PPFIA2: variants seen among roughly 807,000 people sequenced by gnomAD.
The protein encoded by PPFIA2 is liprin-alpha-2.
PPFIA2 carries 46 observed loss-of-function variants against 175.5 expected under a neutral mutation model. The ratio of observed to expected loss-of-function variants is 0.26; its 90% CI spans 0.21 to 0.34. The LOEUF (loss-of-function observed/expected upper bound fraction) is 0.34. Among genes scored for constraint, PPFIA2 ranks in the 10% least tolerant of loss-of-function variants. The pLI is 1.00. For missense variants in PPFIA2, 1,179 were observed against 1,506.1 expected (o/e 0.78, Z 3.60); for synonymous variants, 568 against 511.4 (o/e 1.11, Z -1.49).
intron 23 of PPFIA2, among the ~76,000 whole-genome samples, chr12:81,295,327 A>T (rs2046188792): frequency 6.6e-6 from 1 of 152,232 alleles, no homozygotes; most frequent in South Asian, 2.1e-4. Flanking sequence ...GCTGCATGGC[A>T]CCAAGTTCCC....
At chr12:81,382,490 A>C (rs781677646) in intron 9 of PPFIA2, among the ~76,000 whole-genome samples, 4 of 152,186 alleles carry the variant, frequency 2.6e-5, no homozygotes, top group Non-Finnish European at 4.4e-5. Flanking sequence ...ACAGATGACC[A>C]TTGAAATAAT....
At chr12:81,705,083 TAAAA>T (rs557079067) in intron 3 of PPFIA2, among the ~76,000 whole-genome samples, 1 of 32,352 alleles carries the variant, frequency 3.1e-5, no homozygotes. Context: ...AAACTCTGTC[TAAAA>T]AAAAAAAAAA....
At chr12:81,268,927 ACTTAC>A (rs2038252683) in intron 28 of PPFIA2, among the ~76,000 whole-genome samples, 1 of 152,242 alleles carries the variant, frequency 6.6e-6, no homozygotes, top group African/African-American at 2.4e-5. Context: ...ACAGATGGAT[ACTTAC>A]CTTAGTATTA....
intron 4 of PPFIA2, among the ~76,000 whole-genome samples, chr12:81,543,417 G>A (rs535562976): frequency 1.3e-3 from 205 of 152,140 alleles, no homozygotes; most frequent in African/African-American, 4.5e-3. Flanking sequence ...AACAAAAAAG[G>A]CAGAAATAAA....
intron 16 of PPFIA2, among the ~76,000 whole-genome samples, chr12:81,354,772 T>G (rs1295835206): frequency 6.6e-6 from 1 of 151,834 alleles, no homozygotes; most frequent in Non-Finnish European, 1.5e-5. Context: ...GCCTTCAGAG[T>G]AGCTAGGAAT....
chr12:81,496,878 GGA>G (rs1379029764), intron 4 of PPFIA2, among the ~76,000 whole-genome samples: 1 of 152,140 alleles, frequency 6.6e-6, no homozygotes, highest in Non-Finnish European at 1.5e-5. Flanking sequence ...CTGAGAAGTT[GGA>G]TATCCTATGC....
At chr12:81,669,986 T>A (rs1488351786) in intron 4 of PPFIA2, among the ~76,000 whole-genome samples, 1 of 151,954 alleles carries the variant, frequency 6.6e-6, no homozygotes, top group Non-Finnish European at 1.5e-5. Flanking sequence ...CAGTGGTAGT[T>A]TTGGAGGATT....
intron 4 of PPFIA2, among the ~76,000 whole-genome samples, chr12:81,674,919 C>T (rs1021853099): frequency 2.6e-5 from 4 of 151,878 alleles, no homozygotes; most frequent in African/African-American, 9.7e-5. Flanking sequence ...TTCTAGATAG[C>T]TCCTTAACAA....
At chr12:81,657,276 C>A (rs1209571164) in intron 4 of PPFIA2, among the ~76,000 whole-genome samples, 1 of 152,160 alleles carries the variant, frequency 6.6e-6, no homozygotes, top group Admixed American at 6.5e-5. Context: ...CAATTTCCTA[C>A]AAAGCCAAAG....
chr12:81,565,994 A>G (rs1317762589), intron 4 of PPFIA2, among the ~76,000 whole-genome samples: 3 of 152,016 alleles, frequency 2.0e-5, no homozygotes, highest in Non-Finnish European at 2.9e-5. Context: ...GGGAAAGCAC[A>G]TCTTCTCTGT....
At chr12:81,640,292 A>T (rs1161160601) in intron 4 of PPFIA2, among the ~76,000 whole-genome samples, 1 of 152,124 alleles carries the variant, frequency 6.6e-6, no homozygotes, top group Non-Finnish European at 1.5e-5. Context: ...AAAGCAGGAG[A>T]TACAAAAGAA....
intron 3 of PPFIA2, among the ~76,000 whole-genome samples, chr12:81,701,303 G>A (rs1044357963): frequency 2.1e-4 from 32 of 152,264 alleles, no homozygotes; most frequent in African/African-American, 7.0e-4. Context: ...GCTCATTACA[G>A]GTGGGAAGTT....
intron 4 of PPFIA2, among the ~76,000 whole-genome samples, chr12:81,555,713 T>G (rs1426775747): frequency 6.6e-6 from 1 of 151,896 alleles, no homozygotes; most frequent in Non-Finnish European, 1.5e-5. Flanking sequence ...AGTCAGTAAA[T>G]TAATAGAGTT....
intron 27 of PPFIA2, among the ~76,000 whole-genome samples, chr12:81,278,494 C>G (rs1337947900): frequency 1.4e-5 from 2 of 148,134 alleles, no homozygotes; most frequent in African/African-American, 5.0e-5. Flanking sequence ...TAGCCCAGAT[C>G]GTGCCACCGC....
intron 3 of PPFIA2, among the ~76,000 whole-genome samples, chr12:81,678,868 G>A (rs2073080221): frequency 6.6e-6 from 1 of 151,330 alleles, no homozygotes; most frequent in African/African-American, 2.4e-5. Context: ...GCATTTTTTG[G>A]GTCTGTTTGT....
chr12:81,588,979 G>A (rs2075660817), intron 4 of PPFIA2, among the ~76,000 whole-genome samples: 2 of 152,054 alleles, frequency 1.3e-5, no homozygotes, highest in African/African-American at 4.8e-5. Context: ...ACACTTGTAT[G>A]CCTAAACCTG....
At chr12:81,259,746 G>T in intron 32 of PPFIA2, 86 bp from the exon 33 acceptor site, 3 of 1,183,320 alleles carry the variant, frequency 2.5e-6, no homozygotes, top group Non-Finnish European at 2.4e-6. Context: ...GTACCTCCAC[G>T]CAGCCTGCTT....
intron 3 of PPFIA2, among the ~76,000 whole-genome samples, chr12:81,708,883 T>C (rs777792396): frequency 2.6e-5 from 4 of 152,132 alleles, no homozygotes; most frequent in Admixed American, 6.5e-5. Flanking sequence ...GACAAAACAG[T>C]GTTGTTTCAG....
chr12:81,713,464 G>A (rs1169969307), intron 3 of PPFIA2, among the ~76,000 whole-genome samples: 1 of 151,122 alleles, frequency 6.6e-6, no homozygotes, highest in Non-Finnish European at 1.5e-5. Flanking sequence ...TACAAATAAT[G>A]TTGTTTCTGT....
Sources: allele counts gnomAD v4.1 joint callset (sites outside exome capture counted in the v4.1 genomes callset), GRCh38; gene constraint gnomAD v4.1.1; transcripts MANE v1.5; gene names NCBI Gene and HGNC (gene_info 2026-07-23, HGNC 2026-07-21).